Variants in PARP8 observed in about 807,000 individuals in gnomAD.
PARP8 encodes the protein poly(ADP-ribose) polymerase family member 8.
Under a neutral mutation model 124.1 loss-of-function variants are expected in PARP8, and 51 were observed. That is an observed-to-expected ratio of 0.41 (90% CI 0.33 to 0.52). The LOEUF (loss-of-function observed/expected upper bound fraction) is 0.52, where lower values mean the gene tolerates loss of function less well. Ranked by LOEUF, PARP8 falls within the 20% of genes least tolerant of loss-of-function variation. The pLI is 0.21. For missense variants in PARP8, 860 were observed against 1,018.9 expected (o/e 0.84, Z 2.12); for synonymous variants, 391 against 361.5 (o/e 1.08, Z -0.93).
chr5:50,717,830 T>A (rs1755479239), intron 2 of PARP8, among the ~76,000 whole-genome samples: 1 of 151,896 alleles, frequency 6.6e-6, no homozygotes, highest in African/African-American at 2.4e-5. Context: ...CATTAACTAC[T>A]CATTGCTACT....
At chr5:50,787,433 G>T (rs1488926187) in intron 9 of PARP8, among the ~76,000 whole-genome samples, 1 of 152,084 alleles carries the variant, frequency 6.6e-6, no homozygotes, top group Non-Finnish European at 1.5e-5. Context: ...CTTTGCTCTG[G>T]CTGGGACATT....
Position 50,666,896 on chromosome 5 carries a change from GACCTCCCCCTCCTCCTCC to G in PARP8, c.-199_-182del, listed in dbSNP as rs1306390052. 1 of 1,353,926 alleles carries G rather than the reference GACCTCCCCCTCCTCCTCC, an allele frequency of 7.4e-7. No homozygotes were observed. The highest frequency in any genetic ancestry group is 1.9e-5 in the African/African-American group (1 of 54,018). The allele number at this position is 1,353,926 out of a possible 1,614,324, so 83.9% of individuals were successfully genotyped here. A position where few individuals can be genotyped will look rare whatever the true frequency, so the allele number is the denominator to read the frequency against. On this transcript the variant is annotated 5_prime_UTR_variant, in exon 1 of 26. Coordinates refer to ENST00000281631, the MANE Select transcript of PARP8 (RefSeq NM_024615.4). ...CGGTCACATCTGGGAATGCAAAGCC[GACCTCCCCCTCCTCCTCC>G]TCCTCCCCCTCCTCCTCCTCCTCTT...
intron 2 of PARP8, among the ~76,000 whole-genome samples, chr5:50,716,949 A>G (rs1455507757): frequency 6.6e-6 from 1 of 152,078 alleles, no homozygotes; most frequent in Non-Finnish European, 1.5e-5. Context: ...TTGCACACTG[A>G]TCATGTATCA....
intron 2 of PARP8, among the ~76,000 whole-genome samples, chr5:50,727,654 G>A (rs1382050740): frequency 6.6e-6 from 1 of 152,136 alleles, no homozygotes; most frequent in East Asian, 1.9e-4. Flanking sequence ...AGGGAAGTTT[G>A]GATTCTACAT....
chr5:50,801,747 G>A (rs1046012149), intron 14 of PARP8, among the ~76,000 whole-genome samples: 5 of 152,214 alleles, frequency 3.3e-5, no homozygotes, highest in Admixed American at 3.3e-4. Flanking sequence ...TTGTTGAATT[G>A]TTTTTACCTT....
At chr5:50,699,103 T>C (rs1174856136) in intron 2 of PARP8, among the ~76,000 whole-genome samples, 1 of 152,228 alleles carries the variant, frequency 6.6e-6, no homozygotes, top group Non-Finnish European at 1.5e-5. Context: ...AAACCTGTCC[T>C]ACAGTCATGA....
intron 1 of PARP8, 86 bp from the exon 2 acceptor site, chr5:50,667,985 C>G: frequency 6.2e-7 from 1 of 1,606,438 alleles, no homozygotes; most frequent in Non-Finnish European, 8.5e-7. Context: ...CCTCCCCTGA[C>G]ACCACCGAAT....
intron 2 of PARP8, among the ~76,000 whole-genome samples, chr5:50,746,725 G>C (rs1260642862): frequency 1.3e-5 from 2 of 151,966 alleles, no homozygotes; most frequent in Non-Finnish European, 2.9e-5. Flanking sequence ...CTCATACCAG[G>C]TTACCAAAAA....
chr5:50,686,342 G>A (rs1461900302), intron 2 of PARP8, among the ~76,000 whole-genome samples: 7 of 152,194 alleles, frequency 4.6e-5, no homozygotes, highest in Admixed American at 2.6e-4. Flanking sequence ...TTACACTAAG[G>A]CAAGAAGTGG....
At chr5:50,676,387 G>A (rs1355114892) in intron 2 of PARP8, among the ~76,000 whole-genome samples, 2 of 152,188 alleles carry the variant, frequency 1.3e-5, no homozygotes, top group Admixed American at 1.3e-4. Flanking sequence ...TTCTACATGA[G>A]GGTGTATTTC....
In PARP8 at chr5:50,767,785, C is replaced by T. The variant is rs78591647; in HGVS notation, c.518+4543C>T. Among the ~76,000 whole-genome samples, 876 of 152,254 alleles carry T rather than the reference C, an allele frequency of 5.8e-3. 44 individuals carry two copies. In the East Asian group the frequency reaches 0.12, roughly 20 times the overall value. On this transcript the variant is annotated intron_variant, in intron 7 of 25. Transcript: ENST00000281631. ...CTTGGCCCATTCACAAACATCTCTC[C>T]CACGCTGGGCAAAAACCACACATTG...
At chr5:50,724,505 T>A (rs1756220416) in intron 2 of PARP8, among the ~76,000 whole-genome samples, 1 of 152,132 alleles carries the variant, frequency 6.6e-6, no homozygotes, top group African/African-American at 2.4e-5. Flanking sequence ...AATTGATATG[T>A]AGATGAGTTT....
intron 2 of PARP8, among the ~76,000 whole-genome samples, chr5:50,676,374 C>A (rs572378027): frequency 6.6e-6 from 1 of 152,218 alleles, no homozygotes; most frequent in Non-Finnish European, 1.5e-5. Context: ...ATGCCCCTAA[C>A]TTTTCTACAT....
At chr5:50,816,443 A>G (rs1024792871) in intron 15 of PARP8, among the ~76,000 whole-genome samples, 4 of 152,192 alleles carry the variant, frequency 2.6e-5, no homozygotes, top group Non-Finnish European at 5.9e-5. Flanking sequence ...AACTTGAGGC[A>G]GTGCATCAGG....
At chr5:50,666,074 GT>G (rs1017265415), upstream of PARP8, 3 of 152,204 alleles carry the variant, frequency 2.0e-5, no homozygotes, top group African/African-American at 7.2e-5. Flanking sequence ...GAACTGGTGA[GT>G]TTCAAGAGGA....
chr5:50,834,640 A>G (rs1747359490), intron 24 of PARP8, among the ~76,000 whole-genome samples: 1 of 152,120 alleles, frequency 6.6e-6, no homozygotes, highest in Admixed American at 6.6e-5. Context: ...TAGGACATGA[A>G]CTTGCTGTCT....
chr5:50,711,512 A>G (rs1347955493), intron 2 of PARP8, among the ~76,000 whole-genome samples: 1 of 152,028 alleles, frequency 6.6e-6, no homozygotes, highest in Non-Finnish European at 1.5e-5. Flanking sequence ...TGGATGTGAT[A>G]TTGGGACTGC....
At chr5:50,672,435 A>G (rs1482084788) in intron 2 of PARP8, among the ~76,000 whole-genome samples, 4 of 152,214 alleles carry the variant, frequency 2.6e-5, no homozygotes, top group Non-Finnish European at 5.9e-5. Flanking sequence ...CTAAATGACC[A>G]GATGTGGAGA....
chr5:50,718,271 A>G (rs1288969650), intron 2 of PARP8, among the ~76,000 whole-genome samples: 1 of 152,084 alleles, frequency 6.6e-6, no homozygotes, highest in Non-Finnish European at 1.5e-5. Flanking sequence ...TGATAAAACA[A>G]TTTTAGTGTA....
Sources: allele counts gnomAD v4.1 joint callset (sites outside exome capture counted in the v4.1 genomes callset), GRCh38; gene constraint gnomAD v4.1.1; transcripts MANE v1.5; gene names NCBI Gene and HGNC (gene_info 2026-07-23, HGNC 2026-07-21).